Variants in FAS observed in about 807,000 individuals in gnomAD.
FAS encodes the protein tumor necrosis factor receptor superfamily member 6.
A neutral mutation model predicts 33.2 loss-of-function variants in FAS; 5 were observed. The observed-to-expected ratio is 0.15, with a 90% CI of 0.08 to 0.32. The LOEUF is 0.32. Ranked by LOEUF, FAS falls within the 10% of genes least tolerant of loss-of-function variation. The pLI is 1.00. For missense variants in FAS, 339 were observed against 386.0 expected (o/e 0.88, Z 1.02); for synonymous variants, 131 against 130.7 (o/e 1.00, Z -0.01).
At chr10:89,011,457 T>G (rs1848524200) in intron 6 of FAS, among the ~76,000 whole-genome samples, 1 of 152,242 alleles carries the variant, frequency 6.6e-6, no homozygotes, top group Non-Finnish European at 1.5e-5. Context: ...TCAGTTCAGT[T>G]GAAGAAGAAA....
chr10:88,981,283 G>T (rs775300223), intron 2 of FAS, among the ~76,000 whole-genome samples: 1 of 152,116 alleles, frequency 6.6e-6, no homozygotes, highest in African/African-American at 2.4e-5. Flanking sequence ...ATTAGGTGAG[G>T]ATCAAATGAG....
intron 1 of FAS, among the ~76,000 whole-genome samples, chr10:88,998,562 A>C (rs1847737861): frequency 6.6e-6 from 1 of 152,172 alleles, no homozygotes; most frequent in Non-Finnish European, 1.5e-5. Context: ...TGATACAGTC[A>C]CATTCGGATG....
upstream of FAS, among the ~76,000 whole-genome samples, chr10:88,989,282 C>A (rs896163015): frequency 1.4e-4 from 21 of 152,096 alleles, no homozygotes; most frequent in Admixed American, 6.5e-4. Context: ...TCCCTCCTTC[C>A]ATTCCTTCTT....
chr10:88,964,364 C>CA (rs1417351200), intron 1 of FAS, among the ~76,000 whole-genome samples: 2 of 152,100 alleles, frequency 1.3e-5, no homozygotes, highest in African/African-American at 2.4e-5. Flanking sequence ...GCATCATCAA[C>CA]AAAGAACAAC....
At chr10:88,969,612 T>C (rs2133318498) in intron 1 of FAS, among the ~76,000 whole-genome samples, 1 of 152,306 alleles carries the variant, frequency 6.6e-6, no homozygotes, top group South Asian at 2.1e-4. Context: ...ACTCAAATTG[T>C]TTCTGGCTCT....
At chr10:89,004,407 C>A (rs1848104730) in intron 2 of FAS, among the ~76,000 whole-genome samples, 2 of 151,960 alleles carry the variant, frequency 1.3e-5, no homozygotes, top group South Asian at 4.2e-4. Flanking sequence ...GGTACACATG[C>A]ACAATCTGCA....
intron 1 of FAS, among the ~76,000 whole-genome samples, chr10:89,001,343 G>T (rs972823053): frequency 1.3e-5 from 2 of 151,332 alleles, no homozygotes; most frequent in Non-Finnish European, 1.5e-5. Context: ...GGGTAAGAAG[G>T]TAATATGCTT....
intron 1 of FAS, among the ~76,000 whole-genome samples, chr10:89,000,002 A>G (rs945769277): frequency 6.6e-6 from 1 of 152,238 alleles, no homozygotes; most frequent in African/African-American, 2.4e-5. Context: ...TTAGTGTAAC[A>G]TATTTTTGTG....
chr10:88,964,708 T>G (rs1846290794), intron 1 of FAS, among the ~76,000 whole-genome samples: 1 of 152,152 alleles, frequency 6.6e-6, no homozygotes. Context: ...CAGAGAGGCA[T>G]ATTTTGGGGT....
chr10:88,989,352 T>C, upstream of FAS: 1 of 320,568 alleles, frequency 3.1e-6, no homozygotes, highest in Non-Finnish European at 6.3e-6. Flanking sequence ...TACATTTTTT[T>C]ATTTAAATGA....
chr10:89,002,562 C>G (rs746487697), intron 1 of FAS: 1 of 181,326 alleles, frequency 5.5e-6, no homozygotes, highest in Non-Finnish European at 1.2e-5. Flanking sequence ...TATGCTCCCC[C>G]TCACTGAAAC....
chr10:89,009,606 A>C (rs1194181871), intron 4 of FAS, among the ~76,000 whole-genome samples: 1 of 152,208 alleles, frequency 6.6e-6, no homozygotes, highest in African/African-American at 2.4e-5. Context: ...TTTTGACCCA[A>C]AGTTAGAGAA....
chr10:89,008,967 C>T lies in FAS; in HGVS notation c.413C>T (p.Thr138Ile), dbSNP rs760912307. ...RCKPNFFCNS[T>I]VCEHCDPCTK... ...AAACCAAACTTTTTTTGTAACTCTA[C>T]TGTATGTGAACACTGTGACCCTTGC... The change falls in exon 4 of 9, where the codon ACT (threonine) becomes ATT (isoleucine). Residue 138 changes from threonine to isoleucine, a missense_variant. Thr to Ile is a moderately conservative substitution (Grantham distance 89, BLOSUM62 -1). Coordinates refer to ENST00000652046, the MANE Select transcript of FAS (RefSeq NM_000043.6). 5.0e-6 allele frequency: 8 copies of T among 1,613,964 alleles called. No individual in the cohort carries two copies. In the Admixed American group the frequency reaches 1.2e-4, roughly 24 times the overall value.
chr10:89,013,213 C>T (rs1848617636), intron 7 of FAS, 130 bp from the exon 8 acceptor site: 5 of 833,598 alleles, frequency 6.0e-6, no homozygotes, highest in Non-Finnish European at 9.4e-6. Context: ...AATCTAGCTT[C>T]CTAATTTTAT....
At chr10:89,000,085 A>G (rs532038586) in intron 1 of FAS, among the ~76,000 whole-genome samples, 24 of 152,364 alleles carry the variant, frequency 1.6e-4, no homozygotes, top group South Asian at 1.0e-3. Flanking sequence ...ATGAGTGGTG[A>G]TATATTTAGT....
chr10:89,006,000 T>C (rs1848207193), intron 2 of FAS, among the ~76,000 whole-genome samples: 1 of 152,216 alleles, frequency 6.6e-6, no homozygotes. Context: ...TAAGCATATG[T>C]ACCATTATAC....
intron 1 of FAS, 92 bp from the exon 2 acceptor site, chr10:89,002,937 C>T (rs1848010783): frequency 7.3e-7 from 1 of 1,375,310 alleles, no homozygotes. Flanking sequence ...CTGTGCACAG[C>T]AGATACTGCC....
chr10:89,004,820 C>A (rs909172952), intron 2 of FAS, among the ~76,000 whole-genome samples: 1 of 152,106 alleles, frequency 6.6e-6, no homozygotes, highest in Non-Finnish European at 1.5e-5. Flanking sequence ...TGGATGGCAT[C>A]CAACCATGTT....
intron 1 of FAS, among the ~76,000 whole-genome samples, chr10:88,996,343 G>C (rs1156925268): frequency 1.3e-5 from 2 of 151,964 alleles, no homozygotes; most frequent in African/African-American, 4.8e-5. Context: ...TATACTCACA[G>C]AAAGACAAAT....
Sources: allele counts gnomAD v4.1 joint callset (sites outside exome capture counted in the v4.1 genomes callset), GRCh38; gene constraint gnomAD v4.1.1; transcripts MANE v1.5; gene names NCBI Gene and HGNC (gene_info 2026-07-23, HGNC 2026-07-21).